TOM1L2: variants seen among roughly 807,000 people sequenced by gnomAD.
The protein encoded by TOM1L2 is target of myb1 like 2 membrane trafficking protein.
In TOM1L2, 31 loss-of-function variants were observed where a neutral mutation model predicts 67.9. That is an observed-to-expected ratio of 0.46 (90% CI 0.34 to 0.62). The LOEUF (loss-of-function observed/expected upper bound fraction) is 0.62, where lower values mean the gene tolerates loss of function less well. Ranked by LOEUF, TOM1L2 falls within the 20% of genes least tolerant of loss-of-function variation. The pLI, the probability that TOM1L2 is intolerant of heterozygous loss-of-function variation, is 0.01. For synonymous variants in TOM1L2, 256 were observed against 254.0 expected (o/e 1.01, Z -0.07); for missense variants, 606 against 663.5 (o/e 0.91, Z 0.95).
intron 1 of TOM1L2, among the ~76,000 whole-genome samples, chr17:17,970,241 T>C (rs2042017285): frequency 6.6e-6 from 1 of 151,678 alleles, no homozygotes; most frequent in Admixed American, 6.6e-5. Flanking sequence ...TTTTTTTGGA[T>C]TTTTAGTAGA....
chr17:17,903,779 TA>T (rs2038965005), intron 2 of TOM1L2, among the ~76,000 whole-genome samples: 1 of 151,966 alleles, frequency 6.6e-6, no homozygotes, highest in South Asian at 2.1e-4. Context: ...TGAAATCATA[TA>T]ACAGAGGACT....
At chr17:17,866,218 G>T (rs941454992) in intron 10 of TOM1L2, 78 bp downstream of exon 10, 1 of 1,482,648 alleles carries the variant, frequency 6.7e-7, no homozygotes, top group African/African-American at 1.4e-5. Context: ...GGTCTTCCAA[G>T]AAAGAAAGAG....
Position 17,866,215 on chromosome 17 carries a change from CAAGA to C in TOM1L2, c.1084+77_1084+80del, listed in dbSNP as rs908609414. The C allele has an allele frequency of 2.7e-6, 4 of 1,473,974 alleles. No individual in the cohort carries two copies. In the African/African-American group the frequency reaches 5.7e-5, roughly 21 times the overall value. The allele number at this position is 1,473,974 out of a possible 1,614,324, so 91.3% of individuals were successfully genotyped here. ...CCCAAAAGACTCTCTTTGGGTCTTC[CAAGA>C]AAGAAAGAGAGGTGGCCTGCAAGGG... On this transcript the variant is annotated intron_variant, in intron 10 of 14. Coordinates refer to ENST00000379504, the MANE Select transcript of TOM1L2 (RefSeq NM_001082968.2).
chr17:17,864,434 TCTC>T (rs1288132128), intron 10 of TOM1L2, among the ~76,000 whole-genome samples: 1 of 151,374 alleles, frequency 6.6e-6, no homozygotes, highest in Non-Finnish European at 1.5e-5. Context: ...ATGGTCTCGA[TCTC>T]CTGACCTTGT....
At chr17:17,864,757 C>CT (rs908943424) in intron 10 of TOM1L2, among the ~76,000 whole-genome samples, 2 of 152,158 alleles carry the variant, frequency 1.3e-5, no homozygotes, top group Admixed American at 1.3e-4. Context: ...GGTGATCCAC[C>CT]TGCCGCAGCC....
In TOM1L2 at chr17:17,844,331, C is replaced by T. The variant is rs139832021; in HGVS notation, c.*3304G>A. ...AGCTGCCCTGCGAGCATCTGTTGCC[C>T]TTGGGCCATGTGGAGCCCTTGCCCC... On this transcript the variant is annotated 3_prime_UTR_variant, in exon 15 of 15. Coordinates refer to ENST00000379504, the MANE Select transcript of TOM1L2 (RefSeq NM_001082968.2). 1.3e-5 allele frequency: 2 copies of T among 152,406 alleles called. No individual in the cohort carries two copies. The highest frequency in any genetic ancestry group is 2.9e-5 in the Non-Finnish European group (2 of 68,074). The allele number at this position is 152,406 out of a possible 1,614,324, so 9.4% of individuals were successfully genotyped here. A position where few individuals can be genotyped will look rare whatever the true frequency, so the allele number is the denominator to read the frequency against.
At chr17:17,943,849 G>A (rs192046587) in intron 1 of TOM1L2, among the ~76,000 whole-genome samples, 42 of 152,244 alleles carry the variant, frequency 2.8e-4, no homozygotes, top group Middle Eastern at 3.4e-3. Context: ...AGGGCCCCAC[G>A]TGAACATCCA....
At chr17:17,955,209 T>G (rs1482262626) in intron 1 of TOM1L2, among the ~76,000 whole-genome samples, 1 of 152,060 alleles carries the variant, frequency 6.6e-6, no homozygotes, top group East Asian at 1.9e-4. Context: ...ATCAAGCTGT[T>G]CTCTCCACCT....
At chr17:17,964,267 G>A (rs181032615) in intron 1 of TOM1L2, among the ~76,000 whole-genome samples, 2 of 152,282 alleles carry the variant, frequency 1.3e-5, no homozygotes, top group East Asian at 3.9e-4. Flanking sequence ...CTAGGTTAGC[G>A]CAACATTTCT....
intron 1 of TOM1L2, among the ~76,000 whole-genome samples, chr17:17,947,406 C>G (rs1056404108): frequency 6.6e-6 from 1 of 152,188 alleles, no homozygotes; most frequent in East Asian, 1.9e-4. Flanking sequence ...AGCACCAGTA[C>G]CTCACAATAT....
intron 1 of TOM1L2, among the ~76,000 whole-genome samples, chr17:17,940,008 C>A (rs1677490140): frequency 6.6e-6 from 1 of 151,876 alleles, no homozygotes; most frequent in African/African-American, 2.4e-5. Flanking sequence ...GCCTGGCCAA[C>A]ATGGTGAAAC....
chr17:17,908,562 A>G (rs963070944), intron 1 of TOM1L2, among the ~76,000 whole-genome samples: 1 of 152,212 alleles, frequency 6.6e-6, no homozygotes, highest in Non-Finnish European at 1.5e-5. Context: ...TATCCAGACT[A>G]CGTAAAGAAC....
rs372446417 is a variant in TOM1L2 at position 17,847,641 on chromosome 17, G to A, written c.1518C>T (p.Ala506=). ...KPERSEDALF[A]L The stretch of plus-strand genomic sequence containing the variant: ...AGGCAAACCACAGAGCTGCTCACAG[G>A]GCGAAGAGGGCATCCTCTGACCGCT... Residue 506 remains alanine, a synonymous_variant, in exon 15 of 15, where the codon GCC becomes GCT. Coordinates refer to ENST00000379504, the MANE Select transcript of TOM1L2 (RefSeq NM_001082968.2). The A allele has an allele frequency of 7.5e-5, 121 of 1,609,812 alleles. No homozygotes were observed. The highest frequency in any genetic ancestry group is 9.8e-5 in the Non-Finnish European group (116 of 1,177,760).
rs1370139770 is a variant in TOM1L2, at chr17:17,909,421, G to A, written c.53-1890C>T. Among the ~76,000 whole-genome samples the A allele has an allele frequency of 2.6e-5, 4 of 152,196 alleles. No homozygotes were observed. The East Asian group carries it at 5.8e-4, about 22-fold the overall frequency. On this transcript the variant is annotated intron_variant, in intron 1 of 14. Coordinates refer to ENST00000379504, the MANE Select transcript of TOM1L2 (RefSeq NM_001082968.2). ...ATGGATTATTATTCAGCCTTAAAAAGGAAGGAAATCCTATTGCATGCACAA... is the reference window on the plus strand; with the variant it reads ...ATGGATTATTATTCAGCCTTAAAAAAGAAGGAAATCCTATTGCATGCACAA...
chr17:17,928,366 T>C (rs1275059233), intron 1 of TOM1L2, among the ~76,000 whole-genome samples: 2 of 152,308 alleles, frequency 1.3e-5, no homozygotes, highest in South Asian at 2.1e-4. Flanking sequence ...CTTTTTAAAA[T>C]GATAAATACT....
intron 2 of TOM1L2, among the ~76,000 whole-genome samples, chr17:17,903,631 T>C (rs8067044): frequency 0.49 from 71,235 of 146,252 alleles, 18,480 homozygotes; most frequent in East Asian, 0.86. Context: ...AAAAAAAAAA[T>C]GTTGGGTAAA....
At chr17:17,958,083 C>T (rs538368832) in intron 1 of TOM1L2, among the ~76,000 whole-genome samples, 1 of 148,870 alleles carries the variant, frequency 6.7e-6, no homozygotes, top group Non-Finnish European at 1.5e-5. Flanking sequence ...GAGCAAGACT[C>T]TGTCTCAAAA....
intron 3 of TOM1L2, among the ~76,000 whole-genome samples, chr17:17,896,955 G>A (rs2038604306): frequency 6.6e-6 from 1 of 152,216 alleles, no homozygotes; most frequent in Non-Finnish European, 1.5e-5. Flanking sequence ...GGGCCTCAGT[G>A]TAGGGACGGC....
chr17:17,847,644 G>A lies in TOM1L2; in HGVS notation c.1515C>T (p.Phe505=), dbSNP rs770319721. 1.1e-5 allele frequency: 17 copies of A among 1,611,226 alleles called. No homozygotes were observed. The highest frequency in any genetic ancestry group is 5.0e-5 in the Admixed American group (3 of 59,842). ...KKPERSEDAL[F]AL is the part of the protein sequence containing the mutation. The stretch of plus-strand genomic sequence containing the variant: ...CAAACCACAGAGCTGCTCACAGGGC[G>A]AAGAGGGCATCCTCTGACCGCTCTG... Residue 505 remains phenylalanine (F), a synonymous_variant, in exon 15 of 15, where the codon TTC becomes TTT. Coordinates refer to ENST00000379504, the MANE Select transcript of TOM1L2 (RefSeq NM_001082968.2).
Sources: gnomAD v4.1 joint callset for allele counts (sites outside exome capture counted in the v4.1 genomes callset) on GRCh38, gnomAD v4.1.1 for gene constraint, MANE v1.5 for transcripts, NCBI Gene and HGNC (gene_info 2026-07-23, HGNC 2026-07-21) for gene names.